Variants in C12orf42 observed in about 807,000 individuals in gnomAD.
The protein encoded by C12orf42 is uncharacterized protein C12orf42.
C12orf42 carries 25 observed loss-of-function variants against 21.6 expected under a neutral mutation model. The ratio of observed to expected loss-of-function variants is 1.16; its 90% CI spans 0.84 to 1.62. The LOEUF is 1.62. C12orf42 is among the 40% of genes most tolerant of loss of function. C12orf42 has a pLI of 0.00. For missense variants in C12orf42, 483 were observed against 459.3 expected (o/e 1.05, Z -0.47); for synonymous variants, 174 against 175.0 (o/e 0.99, Z 0.05).
the C12orf42 span, among the ~76,000 whole-genome samples, chr12:103,162,360 G>A: frequency 3.3e-5 from 5 of 152,138 alleles, no homozygotes; most frequent in Admixed American, 3.3e-4. Flanking sequence ...ACAATATCAT[G>A]GAAAGAGTGC....
chr12:103,249,918 A>G (rs2034207950), intron 10 of C12orf42, among the ~76,000 whole-genome samples: 1 of 152,142 alleles, frequency 6.6e-6, no homozygotes, highest in East Asian at 1.9e-4. Context: ...TTGCTATTCA[A>G]AAAGAAAGTC....
At chr12:103,286,792 A>G (rs1395307259) in intron 4 of C12orf42, among the ~76,000 whole-genome samples, 1 of 152,210 alleles carries the variant, frequency 6.6e-6, no homozygotes, top group Admixed American at 6.5e-5. Context: ...ATTAGCAAAA[A>G]GAAAGGATGG....
At chr12:103,218,839 A>G in the C12orf42 span, among the ~76,000 whole-genome samples, 1 of 152,252 alleles carries the variant, frequency 6.6e-6, no homozygotes, top group Non-Finnish European at 1.5e-5. Flanking sequence ...TTAAAAAATA[A>G]AAAAATCTTA....
At chr12:103,326,367 T>C (rs1268889898) in intron 4 of C12orf42, among the ~76,000 whole-genome samples, 1 of 152,090 alleles carries the variant, frequency 6.6e-6, no homozygotes, top group Non-Finnish European at 1.5e-5. Flanking sequence ...CAGTCTATTC[T>C]CCATAGAGCC....
chr12:103,211,602 G>A, the C12orf42 span, among the ~76,000 whole-genome samples: 1 of 152,178 alleles, frequency 6.6e-6, no homozygotes, highest in African/African-American at 2.4e-5. Flanking sequence ...CACCAACCAT[G>A]AGAGTGAGCA....
At position 103,481,345 on chromosome 12, in the gene C12orf42, C is replaced by A. The variant is rs548207899; in HGVS notation, c.-21-2898G>T. Among the ~76,000 whole-genome samples the A allele has an allele frequency of 1.4e-4, 21 of 151,896 alleles. No individual in the cohort carries two copies. The South Asian group carries it at 4.4e-3, about 32-fold the overall frequency. ...CAAAAGTAAATAAGGAAAAACTTGT[C>A]CTCTAAGAAACTGAAGAAATGTATA... On this transcript the variant is annotated intron_variant, in intron 1 of 5. Transcript: ENST00000548883.
chr12:103,291,173 C>G (rs1002206318), intron 4 of C12orf42, among the ~76,000 whole-genome samples: 1 of 152,154 alleles, frequency 6.6e-6, no homozygotes, highest in Non-Finnish European at 1.5e-5. Context: ...CTGAGAAATT[C>G]TGATACAGAG....
chr12:103,281,915 A>AAAAGAAG (rs2036149112), intron 4 of C12orf42, among the ~76,000 whole-genome samples: 1 of 141,828 alleles, frequency 7.1e-6, no homozygotes, highest in African/African-American at 2.7e-5. Context: ...AGAAGAAAGA[A>AAAAGAAG]AAAGAAAGAA....
chr12:103,495,598 G>T (rs1955487463), intron 1 of C12orf42, among the ~76,000 whole-genome samples: 1 of 151,770 alleles, frequency 6.6e-6, no homozygotes, highest in African/African-American at 2.4e-5. Flanking sequence ...CGTCGCCGGG[G>T]CAACGGGGGG....
intron 4 of C12orf42, chr12:103,368,235 C>A (rs2044804211): frequency 2.3e-6 from 1 of 433,976 alleles, no homozygotes; most frequent in Admixed American, 2.7e-5. Context: ...TTTGCTTGTC[C>A]TGTATCAATT....
the C12orf42 span, among the ~76,000 whole-genome samples, chr12:103,185,381 G>A: frequency 3.9e-5 from 6 of 152,172 alleles, no homozygotes; most frequent in Non-Finnish European, 7.3e-5. Flanking sequence ...ATCACTCATC[G>A]TCCACTGTAG....
At chr12:103,403,040 A>G (rs755292876) in intron 2 of C12orf42, among the ~76,000 whole-genome samples, 3 of 152,044 alleles carry the variant, frequency 2.0e-5, no homozygotes, top group Non-Finnish European at 4.4e-5. Context: ...CCTGACATCA[A>G]CTCTGCGCTG....
At chr12:103,385,696 C>A (rs1406197703) in intron 3 of C12orf42, among the ~76,000 whole-genome samples, 1 of 152,084 alleles carries the variant, frequency 6.6e-6, no homozygotes. Flanking sequence ...TTCACTTGCC[C>A]AATCAGATTT....
the C12orf42 span, among the ~76,000 whole-genome samples, chr12:103,553,359 A>G: frequency 2.6e-5 from 4 of 152,138 alleles, no homozygotes; most frequent in South Asian, 6.2e-4. Context: ...AGGCTCACTT[A>G]GTTATCCGTC....
chr12:103,243,984 T>A (rs1308380793), intron 10 of C12orf42, among the ~76,000 whole-genome samples: 1 of 152,144 alleles, frequency 6.6e-6, no homozygotes, highest in Middle Eastern at 3.2e-3. Context: ...TATTTGGCAG[T>A]GTGGCCCAGG....
downstream of C12orf42, among the ~76,000 whole-genome samples, chr12:103,299,648 T>C (rs2037525556): frequency 6.6e-6 from 1 of 152,246 alleles, no homozygotes; most frequent in Admixed American, 6.5e-5. Flanking sequence ...GACCTCATTC[T>C]AGTCTTCACT....
At chr12:103,223,364 G>C in the C12orf42 span, among the ~76,000 whole-genome samples, 1 of 152,136 alleles carries the variant, frequency 6.6e-6, no homozygotes, top group Admixed American at 6.5e-5. Context: ...TAGAATGATT[G>C]GTGATGGCCT....
At chr12:103,299,183 A>G (rs1446226594), downstream of C12orf42, among the ~76,000 whole-genome samples, 1 of 152,078 alleles carries the variant, frequency 6.6e-6, no homozygotes, top group African/African-American at 2.4e-5. Flanking sequence ...CAGTTTTTAA[A>G]AAAATATTTG....
At chr12:103,068,384 C>T in the C12orf42 span, among the ~76,000 whole-genome samples, 2 of 152,032 alleles carry the variant, frequency 1.3e-5, no homozygotes, top group African/African-American at 4.8e-5. Context: ...TAGTTGTATT[C>T]TGTTAGAGGT....
Sources: allele counts gnomAD v4.1 joint callset (sites outside exome capture counted in the v4.1 genomes callset), GRCh38; gene constraint gnomAD v4.1.1; transcripts MANE v1.5; gene names NCBI Gene and HGNC (gene_info 2026-07-23, HGNC 2026-07-21).